KLF3: variants seen among roughly 807,000 people sequenced by gnomAD.
KLF3 encodes Krueppel-like factor 3.
In KLF3, 6 loss-of-function variants were observed where a neutral mutation model predicts 32.7. That is an observed-to-expected ratio of 0.18 (90% CI 0.10 to 0.36). KLF3 has a LOEUF of 0.36. Ranked by LOEUF, KLF3 falls within the 10% of genes least tolerant of loss-of-function variation. The probability of loss-of-function intolerance (pLI) is 1.00; values close to 1 mark genes in which losing one functional copy is unlikely to be tolerated. For synonymous variants in KLF3, 145 were observed against 172.8 expected, an observed-to-expected ratio of 0.84 and a Z score of 1.26; for missense variants, 338 against 449.7, an observed-to-expected ratio of 0.75 and a Z score of 2.25.
Position 38,698,005 on chromosome 4 carries a change from G to A in KLF3, c.*742G>A, listed in dbSNP as rs957645735. Reference sequence around the variant, plus strand: ...GGGCCATTTAGCAGGGGGAGCAGAAGAGGCAATTCCTCCTGGGCTAGGGGT... The same window carrying A: ...GGGCCATTTAGCAGGGGGAGCAGAAAAGGCAATTCCTCCTGGGCTAGGGGT... On this transcript the variant is annotated 3_prime_UTR_variant, in exon 6 of 6. Coordinates refer to ENST00000261438, the MANE Select transcript of KLF3 (RefSeq NM_016531.6). The A allele has an allele frequency of 6.6e-6, 1 of 152,252 alleles. No homozygotes were observed. The highest frequency in any genetic ancestry group is 2.4e-5 in the African/African-American group (1 of 41,446). 9.4% of individuals were successfully genotyped at this position (152,252 alleles called of 1,614,324 possible). A position where few individuals can be genotyped will look rare whatever the true frequency, so the allele number is the denominator to read the frequency against.
intron 2 of KLF3, among the ~76,000 whole-genome samples, chr4:38,681,454 G>A (rs1050002350): frequency 6.6e-6 from 1 of 152,230 alleles, no homozygotes; most frequent in African/African-American, 2.4e-5. Flanking sequence ...GAGTCTGGCT[G>A]GGTAGGAATT....
Position 38,700,476 on chromosome 4 carries a change from G to A in KLF3, c.*3213G>A, listed in dbSNP as rs1293796878. 2 of 152,164 alleles carry A rather than the reference G, an allele frequency of 1.3e-5. No homozygotes were observed. Among genetic ancestry groups the A allele is most frequent in the Non-Finnish European group, 2.9e-5 (2 of 68,020 alleles). 9.4% of individuals were successfully genotyped at this position (152,164 alleles called of 1,614,324 possible). A position where few individuals can be genotyped will look rare whatever the true frequency, so the allele number is the denominator to read the frequency against. ...TTGCTGTCATACATGAAGTTGCTCC[G>A]AGCTGTCTTTATTCTCTTCTTGGTC... On this transcript the variant is annotated 3_prime_UTR_variant, in exon 6 of 6. Transcript: ENST00000261438.
intron 4 of KLF3, among the ~76,000 whole-genome samples, chr4:38,691,087 T>TA (rs2109253969): frequency 6.6e-6 from 1 of 152,270 alleles, no homozygotes; most frequent in South Asian, 2.1e-4. Flanking sequence ...AGTGCCCTCT[T>TA]ACCTCAAAAA....
intron 1 of KLF3, among the ~76,000 whole-genome samples, chr4:38,667,977 G>A (rs1379464280): frequency 6.6e-6 from 1 of 151,960 alleles, no homozygotes; most frequent in East Asian, 1.9e-4. Flanking sequence ...ATGTTTTAAG[G>A]ACAAAGATTT....
chr4:38,667,118 GTTA>G (rs1156687656), intron 1 of KLF3, among the ~76,000 whole-genome samples: 2 of 152,158 alleles, frequency 1.3e-5, no homozygotes, highest in Non-Finnish European at 2.9e-5. Flanking sequence ...TAAAGCTGGT[GTTA>G]TTATTCACAC....
intron 1 of KLF3, among the ~76,000 whole-genome samples, chr4:38,666,596 A>T (rs776918185): frequency 1.3e-5 from 2 of 152,268 alleles, no homozygotes; most frequent in Non-Finnish European, 2.9e-5. Flanking sequence ...TCTGGTGTAC[A>T]GATTGCATAA....
chr4:38,701,156 A>AG lies in KLF3; in HGVS notation c.*3896dup, dbSNP rs1723182292. 1 of 152,214 alleles carries AG rather than the reference A, an allele frequency of 6.6e-6. No homozygotes were observed. Among genetic ancestry groups the AG allele is most frequent in the African/African-American group, 2.4e-5 (1 of 41,458 alleles). 9.4% of individuals were successfully genotyped at this position (152,214 alleles called of 1,614,324 possible). On this transcript the variant is annotated 3_prime_UTR_variant, in exon 6 of 6. Transcript: ENST00000261438. ...TCTGATGGGCAGTTATTGTTGATGG[A>AG]GGGACAGAAAAATAGATCTAACTGG...
rs1722285193 is a variant in KLF3, at chr4:38,674,539, G to A, written c.-39-6048G>A. ...ATCCAAAAACTTAGAAGAGTTGAAA[G>A]GGAGGCTTAGCGATGGTGTGTTAGT... is the stretch of plus-strand genomic sequence containing the variant. On this transcript the variant is annotated intron_variant, in intron 1 of 5. Transcript: ENST00000261438. The surrounding 1 kb of genome is among the most constrained non-coding windows in gnomAD (Gnocchi z 4.1). Among the ~76,000 whole-genome samples the A allele has an allele frequency of 6.6e-6, 1 of 151,916 alleles. No individual in the cohort carries two copies. The highest frequency in any genetic ancestry group is 2.4e-5 in the African/African-American group (1 of 41,338).
chr4:38,681,653 A>G (rs993462130), intron 2 of KLF3, among the ~76,000 whole-genome samples: 14 of 152,328 alleles, frequency 9.2e-5, no homozygotes, highest in African/African-American at 3.4e-4. Context: ...AGTGGTTTCA[A>G]CTTGAGGATT....
Position 38,688,891 on chromosome 4 carries a change from T to C in KLF3, c.364T>C (p.Ser122Pro), listed in dbSNP as rs1472371597. The change falls in exon 3 of 6, where the codon TCC (serine) becomes CCC (proline). Residue 122 changes from serine to proline, a missense_variant. Coordinates refer to ENST00000261438, the MANE Select transcript of KLF3 (RefSeq NM_016531.6). The surrounding 1 kb of genome is among the most constrained non-coding windows in gnomAD (Gnocchi z 4.9). The part of the protein sequence containing the change: ...PGVQPFGVPL[S>P]MPPVMAAALS... ...CGTGCAGCCCTTCGGCGTGCCGCTG[T>C]CCATGCCACCAGTGATGGCAGCTGC... The C allele has an allele frequency of 1.9e-5, 31 of 1,614,084 alleles. No individual in the cohort carries two copies. The highest frequency in any genetic ancestry group is 2.5e-5 in the Non-Finnish European group (30 of 1,180,052).
intron 1 of KLF3, among the ~76,000 whole-genome samples, chr4:38,677,044 TC>T (rs762399420): frequency 7.1e-6 from 1 of 140,804 alleles, no homozygotes; most frequent in Non-Finnish European, 1.5e-5. Flanking sequence ...CACTGCAACC[TC>T]CGCCTGCTGG....
rs1722755235 is a variant in KLF3, at chr4:38,688,078, AAGTTGAAGACACTACTTATCCTG to A, written c.58-504_58-482del. On this transcript the variant is annotated intron_variant, in intron 2 of 5. Coordinates refer to ENST00000261438, the MANE Select transcript of KLF3 (RefSeq NM_016531.6). The surrounding 1 kb of genome is among the most constrained non-coding windows in gnomAD (Gnocchi z 4.9). ...ATGATGAGAAATCAATGTCCTGCTG[AAGTTGAAGACACTACTTATCCTG>A]AGAAAGAGCTGTCCTGCCGAAGTTA... Among the ~76,000 whole-genome samples, 1 of 152,192 alleles carries A rather than the reference AAGTTGAAGACACTACTTATCCTG, an allele frequency of 6.6e-6. No individual in the cohort carries two copies. The highest frequency in any genetic ancestry group is 6.5e-5 in the Admixed American group (1 of 15,274).
chr4:38,668,416 CTT>C (rs1722104456), intron 1 of KLF3, among the ~76,000 whole-genome samples: 1 of 151,884 alleles, frequency 6.6e-6, no homozygotes, highest in African/African-American at 2.4e-5. Context: ...ATCAGGCTCT[CTT>C]CTCCCCAAAA....
chr4:38,686,909 C>T (rs898270338), intron 2 of KLF3, among the ~76,000 whole-genome samples: 5 of 152,208 alleles, frequency 3.3e-5, no homozygotes, highest in Non-Finnish European at 5.9e-5. Flanking sequence ...TTAAAAACAA[C>T]ACAGATGATT....
chr4:38,669,893 CAAAAAAAAAAAAAAAAAAAA>C (rs60339860), intron 1 of KLF3, among the ~76,000 whole-genome samples: 3 of 41,174 alleles, frequency 7.3e-5, no homozygotes, highest in Admixed American at 5.2e-4. Flanking sequence ...GACTCTGTCT[CAAAAAAAAAAAAAAAAAAAA>C]AAAAAAAAAA....
chr4:38,681,195 G>C (rs1307962642), intron 2 of KLF3, among the ~76,000 whole-genome samples: 1 of 152,152 alleles, frequency 6.6e-6, no homozygotes, highest in African/African-American at 2.4e-5. Flanking sequence ...GCTTCCTTAA[G>C]ACCCGTGCCC....
At chr4:38,666,515 T>C (rs1722048088) in intron 1 of KLF3, among the ~76,000 whole-genome samples, 1 of 152,178 alleles carries the variant, frequency 6.6e-6, no homozygotes, top group Non-Finnish European at 1.5e-5. Context: ...GAACTGTGAA[T>C]GGATTTTACT....
chr4:38,687,569 C>T (rs4240247), intron 2 of KLF3, among the ~76,000 whole-genome samples: 125,320 of 152,160 alleles, frequency 0.82, 52,475 homozygotes, highest in African/African-American at 0.96. Context: ...ACAGACTCTT[C>T]TGTCTCTTCT....
intron 1 of KLF3, among the ~76,000 whole-genome samples, chr4:38,678,883 C>T (rs1722433496): frequency 6.6e-6 from 1 of 152,170 alleles, no homozygotes; most frequent in Non-Finnish European, 1.5e-5. Flanking sequence ...GCACTTAAAC[C>T]AAATTTGGCT....
Sources: gnomAD v4.1 joint callset for allele counts (sites outside exome capture counted in the v4.1 genomes callset) on GRCh38, gnomAD v4.1.1 for gene constraint, Gnocchi (gnomAD v3.1) non-coding constraint, MANE v1.5 for transcripts, NCBI Gene and HGNC (gene_info 2026-07-23, HGNC 2026-07-21) for gene names.